The following KLHL1 variants were observed in gnomAD, a reference collection of about 807,000 sequenced individuals.
KLHL1 encodes the protein kelch-like protein 1.
In KLHL1, 47 loss-of-function variants were observed where a neutral mutation model predicts 77.7. That is an observed-to-expected ratio of 0.60 (90% CI 0.48 to 0.77). The LOEUF (loss-of-function observed/expected upper bound fraction) is 0.77. KLHL1 is among the 30% of genes least tolerant of loss of function. The pLI is 0.00. For missense variants in KLHL1, 925 were observed against 910.8 expected, an observed-to-expected ratio of 1.02 and a Z score of -0.20; for synonymous variants, 360 against 325.2, an observed-to-expected ratio of 1.11 and a Z score of -1.15.
intron 1 of KLHL1, among the ~76,000 whole-genome samples, chr13:70,092,268 C>A (rs1887687355): frequency 6.6e-6 from 1 of 152,136 alleles, no homozygotes; most frequent in Non-Finnish European, 1.5e-5. Flanking sequence ...ATACAACTTT[C>A]TAAACTATTG....
chr13:69,962,889 A>G (rs1016508735), intron 2 of KLHL1, among the ~76,000 whole-genome samples: 1 of 152,148 alleles, frequency 6.6e-6, no homozygotes, highest in Non-Finnish European at 1.5e-5. Context: ...AATTATGTGT[A>G]AAACCATTTA....
At chr13:69,890,876 C>A (rs1881403290) in intron 4 of KLHL1, among the ~76,000 whole-genome samples, 1 of 152,084 alleles carries the variant, frequency 6.6e-6, no homozygotes, top group South Asian at 2.1e-4. Flanking sequence ...TATATTGCTT[C>A]TTTGCATACA....
chr13:69,733,058 T>C (rs1447466295), intron 8 of KLHL1, among the ~76,000 whole-genome samples: 3 of 152,106 alleles, frequency 2.0e-5, no homozygotes, highest in African/African-American at 7.2e-5. Context: ...AACTAGTAAG[T>C]TTTTTTACTT....
chr13:69,952,887 C>T lies in KLHL1; in HGVS notation c.817+8421G>A, dbSNP rs547017505. ...CTTGTTTATATTTGCTTGTTTTCCC[C>T]CCATACTATCAGCAAATCATATCAT... On this transcript the variant is annotated intron_variant, in intron 3 of 10. Transcript: ENST00000377844. Among the ~76,000 whole-genome samples the T allele has an allele frequency of 3.3e-5, 5 of 151,288 alleles. No individual in the cohort carries two copies. In the South Asian group the frequency reaches 1.0e-3, roughly 31 times the overall value.
intron 6 of KLHL1, among the ~76,000 whole-genome samples, chr13:69,798,925 A>T (rs1566267325): frequency 6.6e-6 from 1 of 151,896 alleles, no homozygotes; most frequent in Non-Finnish European, 1.5e-5. Context: ...TACAAAAAAT[A>T]ATAATAAAAA....
chr13:69,919,266 T>G (rs1882552496), intron 4 of KLHL1, among the ~76,000 whole-genome samples: 1 of 152,180 alleles, frequency 6.6e-6, no homozygotes. Flanking sequence ...TTTCCTCCAT[T>G]TATTTATAGA....
At chr13:69,989,519 G>A (rs956322681) in intron 1 of KLHL1, among the ~76,000 whole-genome samples, 1 of 151,846 alleles carries the variant, frequency 6.6e-6, no homozygotes, top group African/African-American at 2.4e-5. Context: ...AGTTTGATGG[G>A]AATAGCATTG....
chr13:69,845,978 TA>T (rs1879443387), intron 5 of KLHL1, among the ~76,000 whole-genome samples: 1 of 151,490 alleles, frequency 6.6e-6, no homozygotes, highest in Non-Finnish European at 1.5e-5. Flanking sequence ...CTATAATACA[TA>T]CAGGAAAATG....
chr13:69,737,020 T>C (rs1326458820), intron 8 of KLHL1, among the ~76,000 whole-genome samples: 1 of 152,092 alleles, frequency 6.6e-6, no homozygotes, highest in Non-Finnish European at 1.5e-5. Context: ...GACTAGGTGG[T>C]TGGCGCAACC....
intron 1 of KLHL1, among the ~76,000 whole-genome samples, chr13:70,060,962 C>T (rs9542169): frequency 0.28 from 42,622 of 152,072 alleles, 7,403 homozygotes; most frequent in South Asian, 0.49. Context: ...ACTATGTTAA[C>T]AGAAATATGC....
intron 1 of KLHL1, among the ~76,000 whole-genome samples, chr13:69,983,856 TG>T (rs1300353849): frequency 6.6e-6 from 1 of 151,938 alleles, no homozygotes; most frequent in Non-Finnish European, 1.5e-5. Flanking sequence ...CATAGACCAA[TG>T]GAACAGACTA....
chr13:69,774,997 G>A (rs75710339), intron 7 of KLHL1, among the ~76,000 whole-genome samples: 14,176 of 152,114 alleles, frequency 0.093, 712 homozygotes, highest in African/African-American at 0.11. Flanking sequence ...ATGCTTTTTG[G>A]AACAAACTTT....
intron 2 of KLHL1, among the ~76,000 whole-genome samples, chr13:69,963,961 AT>A (rs1884141503): frequency 1.3e-5 from 2 of 152,114 alleles, no homozygotes. Flanking sequence ...TACACATGAC[AT>A]AGAATTCTAG....
rs902979491 is a variant in KLHL1, at chr13:69,707,557, C to T, written c.2187+68G>A. On this transcript the variant is annotated intron_variant, in intron 10 of 10. Coordinates refer to ENST00000377844, the MANE Select transcript of KLHL1 (RefSeq NM_020866.3). ...AGACTAGATTACTGTTTGTATACCC[C>T]TCCTCCACAGAAAGTAAATGAAATA... The T allele has an allele frequency of 1.2e-5, 17 of 1,447,018 alleles. 1 individual carries two copies. The highest frequency in any genetic ancestry group is 2.1e-4 in the Middle Eastern group (1 of 4,808). The allele number at this position is 1,447,018 out of a possible 1,614,324, so 89.6% of individuals were successfully genotyped here.
chr13:70,067,634 GACAACAACAACA>G (rs3072584), intron 1 of KLHL1, among the ~76,000 whole-genome samples: 1 of 150,926 alleles, frequency 6.6e-6, no homozygotes, highest in Non-Finnish European at 1.5e-5. Flanking sequence ...GACATATTTT[GACAACAACAACA>G]ACAACAACAA....
At chr13:69,873,734 A>G (rs1880667302) in intron 5 of KLHL1, among the ~76,000 whole-genome samples, 1 of 152,224 alleles carries the variant, frequency 6.6e-6, no homozygotes, top group South Asian at 2.1e-4. Flanking sequence ...CACGTTCTGC[A>G]TATGTATCCC....
chr13:69,990,818 C>A (rs1417786831), intron 1 of KLHL1, among the ~76,000 whole-genome samples: 1 of 151,954 alleles, frequency 6.6e-6, no homozygotes, highest in Non-Finnish European at 1.5e-5. Flanking sequence ...TAATAAACAT[C>A]TCCAGAACTC....
intron 1 of KLHL1, among the ~76,000 whole-genome samples, chr13:70,086,590 AAAAGAAAGAAAGAAAGAAAG>A (rs869169817): frequency 4.2e-4 from 36 of 85,788 alleles, no homozygotes; most frequent in South Asian, 9.0e-4. Flanking sequence ...AAAAAAAAAA[AAAAGAAAGAAAGAAAGAAAG>A]AAAGAAAGAA....
intron 1 of KLHL1, among the ~76,000 whole-genome samples, chr13:69,982,921 G>T (rs1488847369): frequency 1.3e-5 from 2 of 152,096 alleles, no homozygotes; most frequent in African/African-American, 2.4e-5. Flanking sequence ...AAATTAAATT[G>T]TCCCTGTTTG....
Sources: gnomAD v4.1 joint callset for allele counts (sites outside exome capture counted in the v4.1 genomes callset) on GRCh38, gnomAD v4.1.1 for gene constraint, MANE v1.5 for transcripts, NCBI Gene and HGNC (gene_info 2026-07-23, HGNC 2026-07-21) for gene names.